NPAS3: variants seen among roughly 807,000 people sequenced by gnomAD.
NPAS3 encodes the protein neuronal PAS domain protein 3.
Under a neutral mutation model 73.1 loss-of-function variants are expected in NPAS3, and 14 were observed. The ratio of observed to expected loss-of-function variants is 0.19; its 90% CI spans 0.13 to 0.30. The LOEUF (loss-of-function observed/expected upper bound fraction) is 0.30. Ranked by LOEUF, NPAS3 falls within the 10% of genes least tolerant of loss-of-function variation. The probability of loss-of-function intolerance (pLI) is 1.00; values close to 1 mark genes in which losing one functional copy is unlikely to be tolerated. For synonymous variants in NPAS3, 620 were observed against 541.5 expected (o/e 1.14, Z -2.01); for missense variants, 1,096 against 1,250.0 (o/e 0.88, Z 1.86).
intron 3 of NPAS3, among the ~76,000 whole-genome samples, chr14:33,275,355 T>G (rs1421355095): frequency 6.6e-6 from 1 of 152,196 alleles, no homozygotes; most frequent in Admixed American, 6.6e-5. Context: ...GGCTACATTC[T>G]TCTAAACTGG....
intron 2 of NPAS3, 159 bp downstream of exon 2, chr14:33,056,153 A>G (rs1199118440): frequency 1.3e-5 from 2 of 153,234 alleles, no homozygotes; most frequent in African/African-American, 4.8e-5. Flanking sequence ...AAACCAAATA[A>G]AAACAACCAA....
intron 2 of NPAS3, among the ~76,000 whole-genome samples, chr14:33,098,107 T>C (rs1595444098): frequency 6.6e-6 from 1 of 152,184 alleles, no homozygotes; most frequent in South Asian, 2.1e-4. Context: ...ACATATTTTC[T>C]TTTAGAACCC....
chr14:33,704,329 T>TAA (rs977288163), intron 6 of NPAS3, among the ~76,000 whole-genome samples: 7 of 152,228 alleles, frequency 4.6e-5, no homozygotes, highest in African/African-American at 1.7e-4. Flanking sequence ...GAATTGTAGC[T>TAA]AAAAATTAAT....
At chr14:33,652,088 A>G (rs986730652) in intron 5 of NPAS3, among the ~76,000 whole-genome samples, 3 of 152,194 alleles carry the variant, frequency 2.0e-5, no homozygotes, top group African/African-American at 7.2e-5. Context: ...GGAGACATTC[A>G]TGCTACTTTT....
chr14:33,149,165 A>G lies in NPAS3; in HGVS notation c.141-66017A>G, dbSNP rs2044356247. 3.9e-5 allele frequency among the ~76,000 whole-genome samples: 6 copies of G among 152,158 alleles called. No individual in the cohort carries two copies. The South Asian group carries it at 1.2e-3, about 31-fold the overall frequency. ...TTTGTGACATGAATAACAGACTTTT[A>G]TTACTTTACTTTTTATCCATCAATA... On this transcript the variant is annotated intron_variant, in intron 2 of 11. Transcript: ENST00000356141.
At chr14:33,184,916 A>T (rs568892789) in intron 2 of NPAS3, among the ~76,000 whole-genome samples, 1 of 152,298 alleles carries the variant, frequency 6.6e-6, no homozygotes, top group African/African-American at 2.4e-5. Flanking sequence ...TGAAACCTAG[A>T]AGAAAGTCTT....
chr14:33,776,551 A>T (rs1595594144), intron 8 of NPAS3, among the ~76,000 whole-genome samples: 1 of 131,868 alleles, frequency 7.6e-6, no homozygotes, highest in African/African-American at 2.9e-5. Context: ...AAAAAAAAAA[A>T]AAAAAAAAAA....
intron 4 of NPAS3, among the ~76,000 whole-genome samples, chr14:33,552,986 G>A (rs1322408192): frequency 2.0e-5 from 3 of 152,150 alleles, no homozygotes; most frequent in African/African-American, 7.2e-5. Flanking sequence ...AATAACTATT[G>A]GAATCCTCTC....
rs146854404 is a variant in NPAS3, at chr14:33,563,517, T to TACACAC, written c.558+3323_558+3328dup. On this transcript the variant is annotated intron_variant, in intron 5 of 11. Transcript: ENST00000356141. ...CTTGACTTTGCCAGATACACATACA[T>TACACAC]ACACACACACACACACACACAGAGA... Among the ~76,000 whole-genome samples, 486 of 106,836 alleles carry TACACAC rather than the reference T, an allele frequency of 4.5e-3. 2 individuals carry two copies. The highest frequency in any genetic ancestry group is 0.01 in the African/African-American group (254 of 24,302). The allele number at this position is 106,836 out of a possible 152,430, so 70.1% of individuals were successfully genotyped here.
rs560147590 is a variant in NPAS3 at position 33,679,993 on chromosome 14, A to G, written c.733+3608A>G. Reference sequence around the variant, plus strand: ...CTTGTTTAAAATGTTATAAAGTCCGAGAGTGCCTATTTAGGGGTTGACTGG... The same window carrying G: ...CTTGTTTAAAATGTTATAAAGTCCGGGAGTGCCTATTTAGGGGTTGACTGG... On this transcript the variant is annotated intron_variant, in intron 6 of 11. Transcript: ENST00000356141. 1.8e-4 allele frequency among the ~76,000 whole-genome samples: 28 copies of G among 152,328 alleles called. No individual in the cohort carries two copies. In the South Asian group the frequency reaches 5.8e-3, roughly 32 times the overall value.
chr14:32,943,233 T>C (rs566159098), intron 1 of NPAS3, among the ~76,000 whole-genome samples: 130 of 152,272 alleles, frequency 8.5e-4, no homozygotes, highest in South Asian at 2.3e-3. Context: ...TAGTAAGGTT[T>C]TGGTTTCTGT....
chr14:33,783,159 A>G (rs1050861849), intron 9 of NPAS3, among the ~76,000 whole-genome samples: 1 of 152,186 alleles, frequency 6.6e-6, no homozygotes, highest in Non-Finnish European at 1.5e-5. Flanking sequence ...TCTGCCACAC[A>G]AACAAAGGGG....
intron 1 of NPAS3, among the ~76,000 whole-genome samples, chr14:33,016,374 C>T (rs1186509496): frequency 3.3e-5 from 5 of 150,874 alleles, no homozygotes; most frequent in East Asian, 2.0e-4. Context: ...TAAAAGACTG[C>T]GTGGTATTTA....
chr14:33,675,683 G>T (rs1455314584), intron 5 of NPAS3, among the ~76,000 whole-genome samples: 1 of 152,140 alleles, frequency 6.6e-6, no homozygotes, highest in Admixed American at 6.5e-5. Flanking sequence ...GCATATATTT[G>T]TAAGCAGCCC....
intron 2 of NPAS3, among the ~76,000 whole-genome samples, chr14:33,150,635 G>A (rs1403891378): frequency 6.6e-6 from 1 of 151,572 alleles, no homozygotes; most frequent in African/African-American, 2.4e-5. Flanking sequence ...TGCTCTTAGT[G>A]GTTGTTCTCT....
chr14:33,775,714 G>T (rs1268373387), intron 8 of NPAS3, among the ~76,000 whole-genome samples: 3 of 152,158 alleles, frequency 2.0e-5, no homozygotes, highest in African/African-American at 7.2e-5. Context: ...AATTTTGTTG[G>T]CATTTATTAA....
intron 1 of NPAS3, among the ~76,000 whole-genome samples, chr14:32,994,113 G>A (rs1364077718): frequency 6.6e-6 from 1 of 152,178 alleles, no homozygotes; most frequent in Non-Finnish European, 1.5e-5. Flanking sequence ...GTGTTTTCTG[G>A]GGGAGCTGGA....
chr14:33,557,813 C>G (rs1567001510), intron 4 of NPAS3, among the ~76,000 whole-genome samples: 15 of 152,086 alleles, frequency 9.9e-5, no homozygotes. Context: ...ACTAAAAATA[C>G]AAAAAATTAG....
intron 1 of NPAS3, among the ~76,000 whole-genome samples, chr14:32,975,330 T>TCACTCCCTGCCTCCGTCAC: frequency 3.2e-5 from 1 of 31,710 alleles, no homozygotes. Context: ...CCCTGCCTCC[T>TCACTCCCTGCCTCCGTCAC]TCCCTTTTTA....
Sources: allele counts gnomAD v4.1 joint callset (sites outside exome capture counted in the v4.1 genomes callset), GRCh38; gene constraint gnomAD v4.1.1; transcripts MANE v1.5; gene names NCBI Gene and HGNC (gene_info 2026-07-23, HGNC 2026-07-21).